The following LATS1 variants were observed in gnomAD, a reference collection of about 807,000 sequenced individuals.
LATS1 encodes large tumor suppressor kinase 1.
A neutral mutation model predicts 106.6 loss-of-function variants in LATS1; 25 were observed. The ratio of observed to expected loss-of-function variants is 0.23; its 90% CI spans 0.17 to 0.33. The LOEUF is 0.33. LATS1 is among the 10% of genes least tolerant of loss of function. The pLI, the probability that LATS1 is intolerant of heterozygous loss-of-function variation, is 1.00. For synonymous variants in LATS1, 465 were observed against 455.6 expected, an observed-to-expected ratio of 1.02 and a Z score of -0.26; for missense variants, 1,040 against 1,382.6, an observed-to-expected ratio of 0.75 and a Z score of 3.93.
At chr6:149,710,334 T>G (rs1216992374) in intron 1 of LATS1, among the ~76,000 whole-genome samples, 3 of 152,170 alleles carry the variant, frequency 2.0e-5, no homozygotes. Flanking sequence ...GGAAGCGGGG[T>G]ATCCTATGTG....
chr6:149,692,430 A>T (rs79885052), intron 3 of LATS1, among the ~76,000 whole-genome samples: 1 of 152,122 alleles, frequency 6.6e-6, no homozygotes, highest in Non-Finnish European at 1.5e-5. Flanking sequence ...TAAAAAAAAA[A>T]TCCCACTATT....
chr6:149,697,801 T>G (rs1783185126), intron 2 of LATS1, among the ~76,000 whole-genome samples: 1 of 151,926 alleles, frequency 6.6e-6, no homozygotes, highest in Non-Finnish European at 1.5e-5. Context: ...AGTGGCGTGA[T>G]CTCAGCTCAC....
rs531434069 is a variant in LATS1, at chr6:149,660,211, C to A, written c.*1518G>T. On this transcript the variant is annotated 3_prime_UTR_variant, in exon 8 of 8. Coordinates refer to ENST00000543571, the MANE Select transcript of LATS1 (RefSeq NM_004690.4). ...AGCTTCCTTCAGATTCTCAAAAGAA[C>A]CACTAACCCCAAAAGACGCACGATA... 1 of 232,354 alleles carries A rather than the reference C, an allele frequency of 4.3e-6. No individual in the cohort carries two copies. Among genetic ancestry groups the A allele is most frequent in the South Asian group, 1.8e-4 (1 of 5,514 alleles). The allele number at this position is 232,354 out of a possible 1,614,324, so 14.4% of individuals were successfully genotyped here.
intron 1 of LATS1, 118 bp from the exon 2 acceptor site, chr6:149,702,384 T>C (rs78248105): frequency 4.2e-5 from 14 of 333,398 alleles, no homozygotes; most frequent in African/African-American, 2.7e-4. Flanking sequence ...TCTGACTCCA[T>C]TAAGGATTAC....
chr6:149,696,414 T>C (rs111814467), intron 2 of LATS1, among the ~76,000 whole-genome samples: 8,012 of 149,620 alleles, frequency 0.054, 565 homozygotes, highest in African/African-American at 0.16. Flanking sequence ...ACTAAAAATA[T>C]AAAATTGTCT....
chr6:149,698,393 G>A (rs1323098444), intron 2 of LATS1, among the ~76,000 whole-genome samples: 3 of 151,686 alleles, frequency 2.0e-5, no homozygotes, highest in Non-Finnish European at 2.9e-5. Context: ...ACAAGAACAT[G>A]CCACCACACC....
intron 1 of LATS1, among the ~76,000 whole-genome samples, chr6:149,704,018 T>A (rs1480636727): frequency 6.6e-6 from 1 of 152,246 alleles, no homozygotes; most frequent in African/African-American, 2.4e-5. Context: ...GTTCTTTTTT[T>A]CTGAGATGGA....
intron 7 of LATS1, among the ~76,000 whole-genome samples, chr6:149,666,444 CG>C (rs1781157075): frequency 6.6e-6 from 1 of 150,930 alleles, no homozygotes; most frequent in African/African-American, 2.4e-5. Context: ...GGTGAAACCC[CG>C]TCTCTACTAA....
chr6:149,676,376 C>T lies in LATS1; in HGVS notation c.2777-10G>A. ...CACAACTGTGTGTATCCTAAAATAA[C>T]AAAGTTATTTATAAGCACTTTAAAA... On this transcript the variant is annotated splice_polypyrimidine_tract_variant and intron_variant, in intron 6 of 7. Transcript: ENST00000543571. The T allele has an allele frequency of 1.3e-6, 2 of 1,577,766 alleles. No individual in the cohort carries two copies. Among genetic ancestry groups the T allele is most frequent in the Non-Finnish European group, 1.7e-6 (2 of 1,150,724 alleles).
intron 2 of LATS1, chr6:149,697,203 G>A (rs1275465465): frequency 8.4e-7 from 1 of 1,190,512 alleles, no homozygotes; most frequent in Non-Finnish European, 1.1e-6. Context: ...GAAATGATAA[G>A]AGAAGAATGT....
At position 149,675,194 on chromosome 6, in the gene LATS1, T is replaced by C. The variant is rs1404520708; in HGVS notation, c.2883+1066A>G. Among the ~76,000 whole-genome samples the C allele has an allele frequency of 2.1e-5, 3 of 142,072 alleles. No individual in the cohort carries two copies. The Admixed American group carries it at 2.2e-4, about 11-fold the overall frequency. The allele number at this position is 142,072 out of a possible 152,430, so 93.2% of individuals were successfully genotyped here. ...ATCACGCCACTGCACTCTAGCCTGA[T>C]GACAGAGCAAGACTCTGTATCAAAA... On this transcript the variant is annotated intron_variant, in intron 7 of 7. Transcript: ENST00000543571.
intron 3 of LATS1, among the ~76,000 whole-genome samples, chr6:149,687,305 G>C (rs1251296504): frequency 6.6e-6 from 1 of 152,078 alleles, no homozygotes; most frequent in Admixed American, 6.6e-5. Context: ...TGGTCAGGCT[G>C]GTCTTGAACT....
chr6:149,717,857 GA>G lies in LATS1; in HGVS notation c.-150del. ...GCCAGCCCCGGACCTACCTGGAGGG[GA>G]GAGCAGAGCTCCTGGACAGCGGCCA... On this transcript the variant is annotated 5_prime_UTR_variant, in exon 1 of 8. Coordinates refer to ENST00000543571, the MANE Select transcript of LATS1 (RefSeq NM_004690.4). The G allele has an allele frequency of 2.9e-6, 1 of 347,224 alleles. No homozygotes were observed. Among genetic ancestry groups the G allele is most frequent in the Non-Finnish European group, 5.6e-6 (1 of 179,176 alleles). 21.5% of individuals were successfully genotyped at this position (347,224 alleles called of 1,614,324 possible).
At chr6:149,685,155 A>T (rs1430013096) in intron 3 of LATS1, among the ~76,000 whole-genome samples, 5 of 151,996 alleles carry the variant, frequency 3.3e-5, no homozygotes, top group Non-Finnish European at 2.9e-5. Flanking sequence ...GGAGAATTGC[A>T]TGAACCAAGA....
At chr6:149,693,167 G>A (rs536245868) in intron 3 of LATS1, among the ~76,000 whole-genome samples, 3 of 152,062 alleles carry the variant, frequency 2.0e-5, no homozygotes, top group South Asian at 2.1e-4. Flanking sequence ...GGAGGCTGAC[G>A]CTGGAGAACT....
At chr6:149,699,033 T>C (rs1458115654) in intron 2 of LATS1, among the ~76,000 whole-genome samples, 1 of 148,520 alleles carries the variant, frequency 6.7e-6, no homozygotes, top group Non-Finnish European at 1.5e-5. Flanking sequence ...CTTTTCATTT[T>C]ACAGGGTCAC....
chr6:149,676,203 A>G (rs1187665188), intron 7 of LATS1, 57 bp downstream of exon 7: 1 of 1,196,252 alleles, frequency 8.4e-7, no homozygotes, highest in Non-Finnish European at 1.2e-6. Flanking sequence ...TAATAAATAA[A>G]AGTCAATGAT....
chr6:149,669,381 C>G (rs936354078), intron 7 of LATS1, among the ~76,000 whole-genome samples: 8 of 151,864 alleles, frequency 5.3e-5, no homozygotes, highest in Non-Finnish European at 8.8e-5. Flanking sequence ...GATCTACCTG[C>G]CTTGGCCTCC....
At chr6:149,713,488 G>A in intron 1 of LATS1, among the ~76,000 whole-genome samples, 1 of 151,288 alleles carries the variant, frequency 6.6e-6, no homozygotes, top group East Asian at 1.9e-4. Flanking sequence ...TAGAGACGGG[G>A]TTTCTCCATG....
Sources: gnomAD v4.1 joint callset for allele counts (sites outside exome capture counted in the v4.1 genomes callset) on GRCh38, gnomAD v4.1.1 for gene constraint, MANE v1.5 for transcripts, NCBI Gene and HGNC (gene_info 2026-07-23, HGNC 2026-07-21) for gene names.